Variants in FRMD6 observed in about 807,000 individuals in gnomAD.
FRMD6 encodes FERM domain containing 6.
A neutral mutation model predicts 73.2 loss-of-function variants in FRMD6; 37 were observed. The observed-to-expected ratio is 0.51, with a 90% CI of 0.39 to 0.66. The LOEUF is 0.66. Among genes scored for constraint, FRMD6 ranks in the 30% least tolerant of loss-of-function variants. The probability of loss-of-function intolerance (pLI) is 0.00; values close to 1 mark genes in which losing one functional copy is unlikely to be tolerated. For missense variants in FRMD6, 714 were observed against 780.5 expected (o/e 0.91, Z 1.02); for synonymous variants, 273 against 282.2 (o/e 0.97, Z 0.33).
chr14:51,670,135 G>T (rs1893894574), intron 1 of FRMD6, among the ~76,000 whole-genome samples: 1 of 152,130 alleles, frequency 6.6e-6, no homozygotes, highest in Non-Finnish European at 1.5e-5. Context: ...AGAGTGCAGT[G>T]CATGATCATG....
intron 2 of FRMD6, among the ~76,000 whole-genome samples, chr14:51,588,997 T>C (rs1310272537): frequency 6.6e-6 from 1 of 152,182 alleles, no homozygotes; most frequent in African/African-American, 2.4e-5. Flanking sequence ...CACTCTGATA[T>C]TAAACACCCA....
intron 2 of FRMD6, among the ~76,000 whole-genome samples, chr14:51,611,174 A>G (rs1890480974): frequency 6.6e-6 from 1 of 152,202 alleles, no homozygotes; most frequent in Non-Finnish European, 1.5e-5. Context: ...ATGGAGAAGG[A>G]GGCTAGGGAG....
chr14:51,446,009 G>A, the FRMD6 span, among the ~76,000 whole-genome samples: 1 of 152,168 alleles, frequency 6.6e-6, no homozygotes, highest in Admixed American at 6.5e-5. Context: ...GCGTCGAGAG[G>A]TTTGGTACTT....
At chr14:51,472,249 G>C in the FRMD6 span, among the ~76,000 whole-genome samples, 1 of 151,860 alleles carries the variant, frequency 6.6e-6, no homozygotes, top group Non-Finnish European at 1.5e-5. Flanking sequence ...CAGAATGCTG[G>C]GTGTTCTAGG....
At position 51,625,869 on chromosome 14, in the gene FRMD6, T is replaced by G. The variant is rs566829556; in HGVS notation, c.-147+55459T>G. The stretch of plus-strand genomic sequence containing the variant: ...CTAGCATTTACTGTCTGAATCATTC[T>G]TTTTAGAACTTAGTACTCCACCACG... On this transcript the variant is annotated intron_variant, in intron 2 of 14. Coordinates refer to the FRMD6 transcript ENST00000356218. Among the ~76,000 whole-genome samples the G allele has an allele frequency of 5.9e-5, 9 of 152,316 alleles. No homozygotes were observed. In the East Asian group the frequency reaches 1.5e-3, roughly 26 times the overall value.
the FRMD6 span, among the ~76,000 whole-genome samples, chr14:51,402,083 C>T: frequency 6.6e-6 from 1 of 152,200 alleles, no homozygotes; most frequent in Non-Finnish European, 1.5e-5. Context: ...CTAGATAACA[C>T]TGTCCCTGGG....
At chr14:51,585,729 T>G (rs1465423303) in intron 2 of FRMD6, among the ~76,000 whole-genome samples, 2 of 151,472 alleles carry the variant, frequency 1.3e-5, no homozygotes, top group Non-Finnish European at 2.9e-5. Flanking sequence ...CCTTTCATAG[T>G]CTCCAATGTC....
In FRMD6 at chr14:51,724,972, A is replaced by G. The variant is rs141617326; in HGVS notation, c.1493-807A>G. The stretch of plus-strand genomic sequence containing the variant: ...TTTTGGCGGGTTTCCACCGAGTGCT[A>G]AAGTGCTTAGGTTAGGTGCTCTGTT... On this transcript the variant is annotated intron_variant, in intron 12 of 13. Transcript: ENST00000344768. 5.9e-4 allele frequency among the ~76,000 whole-genome samples: 90 copies of G among 152,190 alleles called. 2 individuals carry two copies. In the East Asian group the frequency reaches 0.014, roughly 23 times the overall value.
the FRMD6 span, among the ~76,000 whole-genome samples, chr14:51,410,237 T>C: frequency 6.6e-6 from 1 of 152,242 alleles, no homozygotes; most frequent in Non-Finnish European, 1.5e-5. Context: ...TCCGTGTCCC[T>C]GACCACTACA....
chr14:51,630,302 G>A (rs780020664), intron 2 of FRMD6, among the ~76,000 whole-genome samples: 3 of 151,816 alleles, frequency 2.0e-5, no homozygotes, highest in South Asian at 2.1e-4. Context: ...TTCTATAATC[G>A]TCATTTTACA....
chr14:51,712,733 T>G (rs10873052), intron 9 of FRMD6, among the ~76,000 whole-genome samples, 182 bp downstream of exon 9: 107,190 of 152,108 alleles, frequency 0.7, 37,975 homozygotes, highest in Non-Finnish European at 0.71. Flanking sequence ...CTATAGATTC[T>G]TTGTCACACA....
chr14:51,622,508 G>C (rs368684839), intron 2 of FRMD6, among the ~76,000 whole-genome samples: 2 of 152,100 alleles, frequency 1.3e-5, no homozygotes, highest in South Asian at 4.1e-4. Flanking sequence ...GTTATAGGAG[G>C]AACTAAAGAA....
At chr14:51,618,272 G>A (rs1890790774) in intron 2 of FRMD6, among the ~76,000 whole-genome samples, 1 of 152,302 alleles carries the variant, frequency 6.6e-6, no homozygotes, top group East Asian at 1.9e-4. Flanking sequence ...AGAGGAGGGA[G>A]AGGAAGGAAA....
At chr14:51,632,629 C>T (rs1242056728) in intron 2 of FRMD6, among the ~76,000 whole-genome samples, 1 of 152,196 alleles carries the variant, frequency 6.6e-6, no homozygotes, top group Non-Finnish European at 1.5e-5. Context: ...CTCTCCATCT[C>T]ACACCCATCC....
chr14:51,594,259 G>A (rs1431181183), intron 2 of FRMD6, among the ~76,000 whole-genome samples: 2 of 151,706 alleles, frequency 1.3e-5, no homozygotes, highest in East Asian at 1.9e-4. Flanking sequence ...CAAGTAACTG[G>A]GATTACAGGT....
intron 2 of FRMD6, among the ~76,000 whole-genome samples, chr14:51,696,203 A>G (rs1363469887): frequency 6.6e-6 from 1 of 151,532 alleles, no homozygotes; most frequent in Non-Finnish European, 1.5e-5. Flanking sequence ...TAGTGATATG[A>G]CTTTAAGCTT....
upstream of FRMD6, among the ~76,000 whole-genome samples, chr14:51,484,390 C>T (rs561716846): frequency 1.3e-5 from 2 of 152,312 alleles, no homozygotes; most frequent in South Asian, 4.1e-4. Context: ...TGACTACCAC[C>T]ACCAGAATAG....
chr14:51,431,534 T>C, the FRMD6 span, among the ~76,000 whole-genome samples: 6 of 152,252 alleles, frequency 3.9e-5, no homozygotes, highest in South Asian at 2.1e-4. Context: ...AATGCCTGCA[T>C]TGACAGCACC....
chr14:51,512,573 AAGTC>A (rs1185680596), intron 1 of FRMD6, among the ~76,000 whole-genome samples: 9 of 152,190 alleles, frequency 5.9e-5, no homozygotes, highest in Admixed American at 1.3e-4. Context: ...CCATGCAAGG[AAGTC>A]ACAACCTCCT....
Sources: gnomAD v4.1 joint callset for allele counts (sites outside exome capture counted in the v4.1 genomes callset) on GRCh38, gnomAD v4.1.1 for gene constraint, MANE v1.5 for transcripts, NCBI Gene and HGNC (gene_info 2026-07-23, HGNC 2026-07-21) for gene names.